Variants in ATP8A1 observed in about 807,000 individuals in gnomAD.
The protein encoded by ATP8A1 is phospholipid-transporting ATPase IA.
A neutral mutation model predicts 177.7 loss-of-function variants in ATP8A1; 90 were observed. The observed-to-expected ratio is 0.51, with a 90% confidence interval of 0.43 to 0.60. The LOEUF (loss-of-function observed/expected upper bound fraction) is 0.60. Among genes scored for constraint, ATP8A1 ranks in the 20% least tolerant of loss-of-function variants. The probability of loss-of-function intolerance (pLI) is 0.00; values close to 1 mark genes in which losing one functional copy is unlikely to be tolerated. For missense variants in ATP8A1, 1,072 were observed against 1,392.8 expected (o/e 0.77, Z 3.67); for synonymous variants, 493 against 485.9 (o/e 1.01, Z -0.19).
Position 42,412,834 on chromosome 4 carries a change from T to C in ATP8A1, c.*82A>G. The C allele has an allele frequency of 1.7e-6, 2 of 1,153,952 alleles. No individual in the cohort carries two copies. The highest frequency in any genetic ancestry group is 1.3e-5 in the South Asian group (1 of 76,610). The allele number at this position is 1,153,952 out of a possible 1,614,324, so 71.5% of individuals were successfully genotyped here. Reference sequence around the variant, plus strand: ...TACCTTTCCTCTTCATGGACCAGACTGGAATTGGTTAGCAGACTGCGGTGA... The same window carrying C: ...TACCTTTCCTCTTCATGGACCAGACCGGAATTGGTTAGCAGACTGCGGTGA... On this transcript the variant is annotated 3_prime_UTR_variant, in exon 37 of 37. Coordinates refer to ENST00000381668, the MANE Select transcript of ATP8A1 (RefSeq NM_006095.2).
At chr4:42,477,037 T>C (rs904910027) in intron 25 of ATP8A1, among the ~76,000 whole-genome samples, 2 of 152,176 alleles carry the variant, frequency 1.3e-5, no homozygotes, top group African/African-American at 2.4e-5. Context: ...TTTTGAATAT[T>C]TGTGTGTATA....
At chr4:42,613,791 T>A (rs1736618186) in intron 5 of ATP8A1, among the ~76,000 whole-genome samples, 1 of 152,016 alleles carries the variant, frequency 6.6e-6, no homozygotes, top group South Asian at 2.1e-4. Flanking sequence ...GCCATGTTGG[T>A]CAGGCTGGGC....
At chr4:42,439,199 G>C (rs1421102065) in intron 33 of ATP8A1, among the ~76,000 whole-genome samples, 1 of 152,134 alleles carries the variant, frequency 6.6e-6, no homozygotes, top group Non-Finnish European at 1.5e-5. Flanking sequence ...ATAGTTCTCT[G>C]AAGTGGACGC....
At chr4:42,578,463 A>G (rs756917677) in intron 11 of ATP8A1, 76 bp from the exon 12 acceptor site, 4 of 1,515,914 alleles carry the variant, frequency 2.6e-6, no homozygotes, top group East Asian at 2.3e-5. Flanking sequence ...AGCATAATAC[A>G]AGTTTTCCAT....
chr4:42,443,773 TC>T (rs1307541465), intron 32 of ATP8A1, 101 bp from the exon 33 acceptor site: 4 of 626,152 alleles, frequency 6.4e-6, no homozygotes, highest in Non-Finnish European at 1.1e-5. Context: ...TTTTATTATA[TC>T]CATAAAAATA....
chr4:42,487,708 G>A (rs905376149), intron 24 of ATP8A1, among the ~76,000 whole-genome samples: 1 of 152,106 alleles, frequency 6.6e-6, no homozygotes, highest in Admixed American at 6.6e-5. Flanking sequence ...AAAATTTTAT[G>A]TTGGGGATTT....
intron 33 of ATP8A1, among the ~76,000 whole-genome samples, chr4:42,428,072 T>C (rs1467452539): frequency 2.0e-5 from 3 of 152,190 alleles, no homozygotes; most frequent in Admixed American, 6.5e-5. Context: ...TGTTCACAGA[T>C]TGTAATTATC....
At chr4:42,434,344 T>A (rs906032217) in intron 33 of ATP8A1, among the ~76,000 whole-genome samples, 3 of 152,178 alleles carry the variant, frequency 2.0e-5, no homozygotes, top group African/African-American at 7.2e-5. Flanking sequence ...TTTACCTTTT[T>A]AAAAAAATCT....
chr4:42,424,252 G>A (rs992769621), intron 33 of ATP8A1, among the ~76,000 whole-genome samples: 4 of 151,542 alleles, frequency 2.6e-5, no homozygotes, highest in African/African-American at 9.7e-5. Context: ...CCAAATTGCT[G>A]TATTAGAGCC....
At chr4:42,458,396 A>G (rs530417043) in intron 27 of ATP8A1, among the ~76,000 whole-genome samples, 1 of 152,174 alleles carries the variant, frequency 6.6e-6, no homozygotes, top group Non-Finnish European at 1.5e-5. Context: ...TTAGAAACAC[A>G]ACTTGGTTTT....
chr4:42,424,559 A>G (rs925371280), intron 33 of ATP8A1, among the ~76,000 whole-genome samples: 6 of 152,228 alleles, frequency 3.9e-5, no homozygotes, highest in Non-Finnish European at 8.8e-5. Context: ...TGCAAAATTA[A>G]AAAGAATCAG....
chr4:42,426,350 C>G (rs1223305883), intron 33 of ATP8A1, among the ~76,000 whole-genome samples: 1 of 152,192 alleles, frequency 6.6e-6, no homozygotes, highest in African/African-American at 2.4e-5. Flanking sequence ...TGTGTTTACA[C>G]TATTAATATC....
intron 16 of ATP8A1, among the ~76,000 whole-genome samples, chr4:42,553,967 C>T (rs559949541): frequency 1.8e-4 from 28 of 152,088 alleles, no homozygotes; most frequent in Middle Eastern, 6.8e-3. Context: ...AGGAAAAAAA[C>T]GATGTGTTTT....
intron 31 of ATP8A1, among the ~76,000 whole-genome samples, chr4:42,445,796 T>C (rs572849605): frequency 2.6e-5 from 4 of 152,218 alleles, no homozygotes; most frequent in South Asian, 2.1e-4. Context: ...AGAAGAGATA[T>C]AGGCCAGGTG....
intron 25 of ATP8A1, among the ~76,000 whole-genome samples, chr4:42,468,450 C>G (rs201865202): frequency 2.6e-4 from 33 of 125,076 alleles, no homozygotes; most frequent in East Asian, 1.1e-3. Context: ...CACACACACA[C>G]ACAGACACAC....
chr4:42,464,554 G>T, intron 27 of ATP8A1, 136 bp downstream of exon 27: 1 of 576,940 alleles, frequency 1.7e-6, no homozygotes, highest in Non-Finnish European at 3.0e-6. Context: ...CCACCTTTTT[G>T]TTTTAATACA....
At chr4:42,446,963 C>T (rs1717338085) in intron 30 of ATP8A1, among the ~76,000 whole-genome samples, 1 of 151,764 alleles carries the variant, frequency 6.6e-6, no homozygotes, top group Middle Eastern at 3.2e-3. Flanking sequence ...TAATAAAGAA[C>T]TCTGTTAACA....
intron 33 of ATP8A1, among the ~76,000 whole-genome samples, chr4:42,439,878 C>T (rs1716427083): frequency 6.6e-6 from 1 of 152,176 alleles, no homozygotes; most frequent in Non-Finnish European, 1.5e-5. Context: ...CACAGGGCAA[C>T]GTTTAAGGTA....
intron 21 of ATP8A1, among the ~76,000 whole-genome samples, chr4:42,524,455 T>C (rs1010116024): frequency 4.0e-5 from 6 of 151,666 alleles, no homozygotes; most frequent in Admixed American, 6.6e-5. Flanking sequence ...CTTTTCCTAA[T>C]GAATTGCTCG....
Sources: allele counts gnomAD v4.1 joint callset (sites outside exome capture counted in the v4.1 genomes callset), GRCh38; gene constraint gnomAD v4.1.1; transcripts MANE v1.5; gene names NCBI Gene and HGNC (gene_info 2026-07-23, HGNC 2026-07-21).